Variants in ADCY8 observed in about 807,000 individuals in gnomAD.
The protein encoded by ADCY8 is adenylate cyclase type 8.
A neutral mutation model predicts 119.7 loss-of-function variants in ADCY8; 51 were observed. The observed-to-expected ratio is 0.43, with a 90% CI of 0.34 to 0.54. The LOEUF is 0.54. ADCY8 is among the 20% of genes least tolerant of loss of function. ADCY8 has a pLI of 0.03. For synonymous variants in ADCY8, 665 were observed against 651.0 expected (o/e 1.02, Z -0.33); for missense variants, 1,383 against 1,598.8 (o/e 0.87, Z 2.30).
chr8:130,947,223 C>A (rs947056407), intron 3 of ADCY8, among the ~76,000 whole-genome samples: 3 of 152,168 alleles, frequency 2.0e-5, no homozygotes, highest in Non-Finnish European at 2.9e-5. Flanking sequence ...TCAATAGAAT[C>A]ATTAGGAACG....
At chr8:130,849,459 T>C (rs1355292539) in intron 10 of ADCY8, 143 bp downstream of exon 10, 1 of 805,916 alleles carries the variant, frequency 1.2e-6, no homozygotes, top group Non-Finnish European at 2.0e-6. Context: ...ATCTTTGTTA[T>C]CTGTCCCTAA....
intron 15 of ADCY8, among the ~76,000 whole-genome samples, chr8:130,788,309 A>G (rs779989063): frequency 7.2e-5 from 11 of 152,264 alleles, no homozygotes; most frequent in Non-Finnish European, 1.3e-4. Flanking sequence ...CTATTCAGCC[A>G]TAAAAGAAGG....
chr8:131,035,638 G>T (rs902461819), intron 1 of ADCY8, among the ~76,000 whole-genome samples: 6 of 152,052 alleles, frequency 3.9e-5, no homozygotes, highest in African/African-American at 1.4e-4. Flanking sequence ...TTTCCTTCAG[G>T]GTAGAAAGAG....
At chr8:131,012,486 A>T (rs141367572) in intron 1 of ADCY8, among the ~76,000 whole-genome samples, 1 of 152,346 alleles carries the variant, frequency 6.6e-6, no homozygotes, top group East Asian at 1.9e-4. Flanking sequence ...TCATAGAGGA[A>T]CAGCTCTCAG....
chr8:131,029,526 G>A (rs1330306723), intron 1 of ADCY8, among the ~76,000 whole-genome samples: 3 of 152,294 alleles, frequency 2.0e-5, no homozygotes, highest in African/African-American at 7.2e-5. Context: ...AGAGGGTGAT[G>A]TATTTGCTAG....
intron 2 of ADCY8, among the ~76,000 whole-genome samples, chr8:130,971,706 T>A (rs1821928028): frequency 6.6e-6 from 1 of 152,122 alleles, no homozygotes. Flanking sequence ...GAAGAGGTGA[T>A]ATGTGAGCTG....
At chr8:130,836,506 A>G in intron 11 of ADCY8, 57 bp from the exon 12 acceptor site, 2 of 1,563,442 alleles carry the variant, frequency 1.3e-6, no homozygotes, top group Non-Finnish European at 1.7e-6. Flanking sequence ...TCCCTCTCCT[A>G]GCCATGGATG....
intron 7 of ADCY8, chr8:130,892,787 T>C (rs934338417): frequency 8.5e-5 from 13 of 152,178 alleles, no homozygotes; most frequent in African/African-American, 3.1e-4. Context: ...CAATTCCCCG[T>C]GATTGGGCAG....
intron 1 of ADCY8, among the ~76,000 whole-genome samples, chr8:131,037,366 A>G (rs974174838): frequency 2.0e-5 from 3 of 152,236 alleles, no homozygotes; most frequent in African/African-American, 7.2e-5. Context: ...AGTAGAATAT[A>G]AAACAAATAT....
chr8:130,990,422 G>T lies in ADCY8; in HGVS notation c.1081C>A (p.Leu361Met), dbSNP rs766203110. ...LETRRCVEARLRLETENQRQE... is the reference protein window; with the variant it reads ...LETRRCVEARMRLETENQRQE... ...CTTTGGTTCTCTGTCTCCAGGCGCA[G>T]CCTGGCCTCCACACACCTCCGAGTC... The change falls in exon 2 of 18, where the codon CTG becomes ATG. Residue 361 changes from leucine (L) to methionine (M), a missense_variant. By Grantham distance (15) the Leu-to-Met change is conservative. Coordinates refer to ENST00000286355, the MANE Select transcript of ADCY8 (RefSeq NM_001115.3). The T allele has an allele frequency of 1.2e-5, 20 of 1,614,042 alleles. No individual in the cohort carries two copies. The highest frequency in any genetic ancestry group is 1.6e-5 in the Non-Finnish European group (19 of 1,180,014).
intron 11 of ADCY8, among the ~76,000 whole-genome samples, chr8:130,846,954 C>A (rs1404828420): frequency 7.1e-6 from 1 of 141,688 alleles, no homozygotes; most frequent in Admixed American, 7.4e-5. Context: ...TCCTTCCTTC[C>A]TTTGTTCCTT....
At chr8:130,998,531 C>T (rs1327696809) in intron 1 of ADCY8, among the ~76,000 whole-genome samples, 4 of 152,134 alleles carry the variant, frequency 2.6e-5, no homozygotes, top group African/African-American at 4.8e-5. Context: ...GGTCTTGAAG[C>T]TTTTCTCTCC....
At chr8:130,990,673 G>T in intron 1 of ADCY8, 131 bp from the exon 2 acceptor site, 1 of 1,152,484 alleles carries the variant, frequency 8.7e-7, no homozygotes, top group Non-Finnish European at 1.2e-6. Context: ...TCGCATGTTT[G>T]TAGAGCTATG....
At chr8:130,812,950 CTT>C (rs111620889) in intron 14 of ADCY8, among the ~76,000 whole-genome samples, 48 of 140,220 alleles carry the variant, frequency 3.4e-4, no homozygotes, top group East Asian at 2.1e-3. Flanking sequence ...CCATCTTGAT[CTT>C]TTTTTTTTTT....
chr8:131,017,565 C>T (rs1823520136), intron 1 of ADCY8, among the ~76,000 whole-genome samples: 2 of 152,210 alleles, frequency 1.3e-5, no homozygotes, highest in African/African-American at 4.8e-5. Flanking sequence ...CCAGAGAGCA[C>T]TGGGTGCTAG....
At chr8:130,821,217 T>G in intron 13 of ADCY8, 125 bp downstream of exon 13, 1 of 689,796 alleles carries the variant, frequency 1.4e-6, no homozygotes, top group East Asian at 2.8e-5. Flanking sequence ...AGGAATTGAT[T>G]CTTTAAGAAC....
intron 1 of ADCY8, among the ~76,000 whole-genome samples, chr8:131,032,058 G>C (rs985429669): frequency 1.3e-5 from 2 of 152,182 alleles, no homozygotes; most frequent in Admixed American, 1.3e-4. Flanking sequence ...AGCTGACATA[G>C]AATGAGGATG....
intron 8 of ADCY8, among the ~76,000 whole-genome samples, chr8:130,872,368 A>C (rs945565023): frequency 6.6e-6 from 1 of 152,216 alleles, no homozygotes; most frequent in Non-Finnish European, 1.5e-5. Context: ...ACACCTTCAC[A>C]GATTGCAAAT....
intron 11 of ADCY8, among the ~76,000 whole-genome samples, chr8:130,846,566 TC>T (rs1333315290): frequency 2.4e-5 from 3 of 126,474 alleles, no homozygotes; most frequent in Non-Finnish European, 3.3e-5. Context: ...ATTCCTTCCT[TC>T]CTTCCCCTTC....
Sources: gnomAD v4.1 joint callset for allele counts (sites outside exome capture counted in the v4.1 genomes callset) on GRCh38, gnomAD v4.1.1 for gene constraint, MANE v1.5 for transcripts, NCBI Gene and HGNC (gene_info 2026-07-23, HGNC 2026-07-21) for gene names.